Variants in ANKRD62 observed in about 807,000 individuals in gnomAD.
ANKRD62 encodes ankyrin repeat domain-containing protein 62.
ANKRD62 carries 61 observed loss-of-function variants against 98.8 expected under a neutral mutation model. That is an observed-to-expected ratio of 0.62 (90% CI 0.50 to 0.76). ANKRD62 has a LOEUF of 0.76. ANKRD62 is among the 30% of genes least tolerant of loss of function. The pLI is 0.00. For synonymous variants in ANKRD62, 341 were observed against 367.9 expected (o/e 0.93, Z 0.84); for missense variants, 933 against 1,082.9 (o/e 0.86, Z 1.94).
At chr18:12,168,718 C>A in the ANKRD62 span, among the ~76,000 whole-genome samples, 1 of 152,132 alleles carries the variant, frequency 6.6e-6, no homozygotes. Context: ...CTATAAATTA[C>A]CTTGGGCAGT....
At chr18:12,115,311 C>T (rs8091585) in intron 9 of ANKRD62, 82 bp from the exon 10 acceptor site, 853,556 of 1,338,832 alleles carry the variant, frequency 0.64, 276,451 homozygotes, top group Middle Eastern at 0.7. Context: ...TGTAAAAAGA[C>T]GGATAATTCC....
the ANKRD62 span, among the ~76,000 whole-genome samples, chr18:12,164,512 A>G: frequency 6.6e-6 from 1 of 151,676 alleles, no homozygotes; most frequent in Admixed American, 6.6e-5. Context: ...TCATTTTTAT[A>G]TCTTCCACTA....
At chr18:12,130,123 A>G (rs531745209), downstream of ANKRD62, among the ~76,000 whole-genome samples, 3 of 152,284 alleles carry the variant, frequency 2.0e-5, no homozygotes, top group African/African-American at 7.2e-5. Flanking sequence ...TCAAGGAAAA[A>G]TTTCAGCTTT....
downstream of ANKRD62, among the ~76,000 whole-genome samples, chr18:12,133,218 G>A (rs1910031879): frequency 6.6e-6 from 1 of 152,068 alleles, no homozygotes; most frequent in Non-Finnish European, 1.5e-5. Flanking sequence ...ATGTTTTCAA[G>A]GCTCATCTAT....
chr18:12,111,421 G>C (rs1006728459), intron 8 of ANKRD62, among the ~76,000 whole-genome samples: 1 of 152,070 alleles, frequency 6.6e-6, no homozygotes, highest in Admixed American at 6.6e-5. Context: ...AATAATAAGA[G>C]CCGTATATGA....
the ANKRD62 span, among the ~76,000 whole-genome samples, chr18:12,175,060 G>C: frequency 7.9e-5 from 12 of 152,232 alleles, no homozygotes; most frequent in African/African-American, 2.7e-4. Context: ...TGCCTGCCCC[G>C]CTGTGGGCAT....
chr18:12,166,426 T>C, the ANKRD62 span, among the ~76,000 whole-genome samples: 2 of 152,164 alleles, frequency 1.3e-5, no homozygotes, highest in Admixed American at 1.3e-4. Context: ...GAGACTCTTA[T>C]ACATTCTTCA....
chr18:12,113,631 A>C (rs1177081597), intron 8 of ANKRD62, among the ~76,000 whole-genome samples: 1 of 152,198 alleles, frequency 6.6e-6, no homozygotes, highest in Non-Finnish European at 1.5e-5. Context: ...GTCTCAAAAA[A>C]AAAAAGTACA....
chr18:12,169,751 T>A, the ANKRD62 span, among the ~76,000 whole-genome samples: 1 of 152,206 alleles, frequency 6.6e-6, no homozygotes, highest in African/African-American at 2.4e-5. Flanking sequence ...CGGCTGTGAA[T>A]CCGTCTGGTC....
At chr18:12,106,077 C>A (rs1439331272) in intron 7 of ANKRD62, among the ~76,000 whole-genome samples, 4 of 152,188 alleles carry the variant, frequency 2.6e-5, no homozygotes, top group African/African-American at 4.8e-5. Context: ...TTCAGGTGTG[C>A]AAATTGATCC....
intron 10 of ANKRD62, among the ~76,000 whole-genome samples, chr18:12,118,417 C>T (rs8089132): frequency 0.94 from 142,812 of 152,116 alleles, 67,178 homozygotes; most frequent in East Asian, 1. Flanking sequence ...AAGATCAGCC[C>T]GGCCAACATG....
At chr18:12,161,586 A>G in the ANKRD62 span, among the ~76,000 whole-genome samples, 2 of 152,132 alleles carry the variant, frequency 1.3e-5, no homozygotes, top group Non-Finnish European at 2.9e-5. Flanking sequence ...ATTATGGACT[A>G]TAGTCACCCT....
chr18:12,126,216 A>G lies in ANKRD62; in HGVS notation c.2395A>G (p.Asn799Asp), dbSNP rs529165925. The G allele has an allele frequency of 6.5e-7, 1 of 1,536,124 alleles. No homozygotes were observed. Among genetic ancestry groups the G allele is most frequent in the Admixed American group, 2.0e-5 (1 of 50,994 alleles). The change falls in exon 13 of 14, where the codon AAT becomes GAT. Residue 799 changes from asparagine (N) to aspartate (D), a missense_variant. Physicochemically the swap from Asn to Asp is conservative, Grantham distance 23. Coordinates refer to ENST00000587848, the MANE Select transcript of ANKRD62 (RefSeq NM_001277333.2). Reference sequence around the variant, plus strand: ...TAATGATGCTCGCAAGAAAGCTGACAATCAGGAGAAAACAATAATTAATAT... The same window carrying G: ...TAATGATGCTCGCAAGAAAGCTGACGATCAGGAGAAAACAATAATTAATAT... ...QCNDARKKAD[N>D]QEKTIINIQV... is the part of the protein sequence containing the mutation.
chr18:12,153,944 T>A, the ANKRD62 span, among the ~76,000 whole-genome samples: 1 of 152,136 alleles, frequency 6.6e-6, no homozygotes, highest in Non-Finnish European at 1.5e-5. Context: ...ACACCATACA[T>A]ACAAGTCAAC....
chr18:12,107,519 A>G, intron 8 of ANKRD62, 52 bp downstream of exon 8: 2 of 1,275,962 alleles, frequency 1.6e-6, no homozygotes, highest in Non-Finnish European at 2.0e-6. Context: ...GTACTATAAA[A>G]TGAATTCTAA....
At chr18:12,115,697 T>A (rs936812668) in intron 10 of ANKRD62, among the ~76,000 whole-genome samples, 163 bp downstream of exon 10, 2 of 152,158 alleles carry the variant, frequency 1.3e-5, no homozygotes, top group African/African-American at 4.8e-5. Context: ...TCTTGTATAC[T>A]CTTAGCCAAA....
chr18:12,107,959 ATTTC>A (rs1411293304), intron 8 of ANKRD62, among the ~76,000 whole-genome samples: 5 of 152,160 alleles, frequency 3.3e-5, no homozygotes. Context: ...ATGTGTAGTT[ATTTC>A]TTTATATGAA....
chr18:12,096,311 G>C lies in ANKRD62; in HGVS notation c.614+9G>C, dbSNP rs1036579989. The C allele has an allele frequency of 1.6e-5, 23 of 1,480,890 alleles. No homozygotes were observed. The highest frequency in any genetic ancestry group is 2.1e-5 in the Admixed American group (1 of 47,078). The allele number at this position is 1,480,890 out of a possible 1,614,324, so 91.7% of individuals were successfully genotyped here. ...ATAGATAATTTTGGAAGGTACAGTA[G>C]TTCTTTTTTTGTTCATTTTTAAACC... On this transcript the variant is annotated intron_variant, in intron 4 of 13. Transcript: ENST00000587848.
chr18:12,176,079 C>G, the ANKRD62 span, among the ~76,000 whole-genome samples: 1 of 151,622 alleles, frequency 6.6e-6, no homozygotes, highest in African/African-American at 2.4e-5. Context: ...GTAATCCCAG[C>G]TACTCGGAAG....
Sources: allele counts gnomAD v4.1 joint callset (sites outside exome capture counted in the v4.1 genomes callset), GRCh38; gene constraint gnomAD v4.1.1; transcripts MANE v1.5; gene names NCBI Gene and HGNC (gene_info 2026-07-23, HGNC 2026-07-21).